Variants in TMEM63C observed in about 807,000 individuals in gnomAD.
TMEM63C encodes the protein transmembrane protein 63C.
In TMEM63C, 32 loss-of-function variants were observed where a neutral mutation model predicts 99.2. The ratio of observed to expected loss-of-function variants is 0.32; its 90% CI spans 0.24 to 0.43. The LOEUF is 0.43. Ranked by LOEUF, TMEM63C falls within the 20% of genes least tolerant of loss-of-function variation. TMEM63C has a pLI of 1.00. For synonymous variants in TMEM63C, 376 were observed against 397.9 expected, an observed-to-expected ratio of 0.94 and a Z score of 0.66; for missense variants, 826 against 1,053.0, an observed-to-expected ratio of 0.78 and a Z score of 2.98.
chr14:77,183,720 C>T (rs1335840926), intron 1 of TMEM63C, among the ~76,000 whole-genome samples: 1 of 152,196 alleles, frequency 6.6e-6, no homozygotes, highest in Non-Finnish European at 1.5e-5. Context: ...GAACCCCTGA[C>T]GCTGGCCCCT....
intron 15 of TMEM63C, among the ~76,000 whole-genome samples, chr14:77,243,983 G>T (rs1889226516): frequency 6.6e-6 from 1 of 152,158 alleles, no homozygotes; most frequent in African/African-American, 2.4e-5. Context: ...CGCATCCTGG[G>T]AGGGCCACAG....
intron 15 of TMEM63C, among the ~76,000 whole-genome samples, chr14:77,244,030 C>G (rs1889227447): frequency 6.6e-6 from 1 of 152,168 alleles, no homozygotes; most frequent in East Asian, 1.9e-4. Flanking sequence ...CCCTCCTCCC[C>G]CGCTCACATG....
intron 1 of TMEM63C, among the ~76,000 whole-genome samples, chr14:77,205,662 C>G (rs538931830): frequency 6.6e-6 from 1 of 152,278 alleles, no homozygotes; most frequent in African/African-American, 2.4e-5. Flanking sequence ...ACAACCAAGG[C>G]CTTTGATGGG....
At chr14:77,231,780 G>A (rs1206594729) in intron 7 of TMEM63C, 50 bp downstream of exon 7, 3 of 1,545,288 alleles carry the variant, frequency 1.9e-6, no homozygotes, top group Admixed American at 3.9e-5. Flanking sequence ...CTGAGAGGCA[G>A]CCAGGCAAGC....
In TMEM63C at chr14:77,225,401, C is replaced by G. The variant is rs765789939; in HGVS notation, c.313-23C>G. The stretch of plus-strand genomic sequence containing the variant: ...GCAGGCCAGGACCTGGGTTTTCTCA[C>G]AGTTTCTCTCCTTTCCCCGCAGGGA... On this transcript the variant is annotated intron_variant, in intron 5 of 23. Transcript: ENST00000298351. The G allele has an allele frequency of 8.7e-6, 14 of 1,611,904 alleles. No homozygotes were observed. In the South Asian group the frequency reaches 1.5e-4, roughly 18 times the overall value.
intron 6 of TMEM63C, among the ~76,000 whole-genome samples, chr14:77,226,378 C>T (rs1397460168): frequency 1.3e-5 from 2 of 152,212 alleles, no homozygotes; most frequent in African/African-American, 4.8e-5. Context: ...CAGCTTAATG[C>T]GTTTACTGAG....
rs1366242548 is a variant in TMEM63C, at chr14:77,186,799, GTC to G, written c.-77+4907_-77+4908del. 5.8e-4 allele frequency among the ~76,000 whole-genome samples: 61 copies of G among 105,422 alleles called. 1 individual carries two copies. The highest frequency in any genetic ancestry group is 1.2e-3 in the East Asian group (5 of 4,256). The allele number at this position is 105,422 out of a possible 152,430, so 69.2% of individuals were successfully genotyped here. A position where few individuals can be genotyped will look rare whatever the true frequency, so the allele number is the denominator to read the frequency against. On this transcript the variant is annotated intron_variant, in intron 1 of 23. Transcript: ENST00000298351. Reference sequence around the variant, plus strand: ...GGGGTGTGTGTGTGTGTGTGTGTGTGTCTGTGTGTGTGTGTGTGTGTCTGTGT... The same window carrying G: ...GGGGTGTGTGTGTGTGTGTGTGTGTGTGTGTGTGTGTGTGTGTGTCTGTGT...
chr14:77,243,831 A>G (rs1241735828), intron 15 of TMEM63C, among the ~76,000 whole-genome samples: 1 of 152,066 alleles, frequency 6.6e-6, no homozygotes, highest in Non-Finnish European at 1.5e-5. Context: ...TGCACAGTCA[A>G]CAGACGTGTG....
intron 6 of TMEM63C, among the ~76,000 whole-genome samples, chr14:77,226,489 GT>G (rs1241581093): frequency 2.6e-5 from 4 of 152,226 alleles, no homozygotes; most frequent in Admixed American, 2.6e-4. Flanking sequence ...GAATGGGAGG[GT>G]TATAATTGCT....
chr14:77,238,073 A>C (rs1392474865), intron 9 of TMEM63C, among the ~76,000 whole-genome samples: 1 of 152,182 alleles, frequency 6.6e-6, no homozygotes, highest in African/African-American at 2.4e-5. Context: ...AGCCTCTTTC[A>C]AGACCCCTGA....
chr14:77,190,252 AC>A (rs1331991129), intron 1 of TMEM63C, among the ~76,000 whole-genome samples: 1 of 152,126 alleles, frequency 6.6e-6, no homozygotes, highest in Non-Finnish European at 1.5e-5. Context: ...GTCCCAACAG[AC>A]CAATAATCAC....
intron 1 of TMEM63C, among the ~76,000 whole-genome samples, chr14:77,198,728 A>G (rs552423955): frequency 2.0e-5 from 3 of 152,278 alleles, no homozygotes; most frequent in African/African-American, 7.2e-5. Flanking sequence ...AAACAGTTCA[A>G]ATGTTTCCTG....
intron 9 of TMEM63C, among the ~76,000 whole-genome samples, chr14:77,237,029 CCACCCTCT>C (rs1199759347): frequency 4.6e-5 from 7 of 150,828 alleles, no homozygotes; most frequent in South Asian, 2.1e-4. Context: ...TCACGCTCCT[CCACCCTCT>C]CACCCTCTCA....
chr14:77,246,936 G>A (rs8006117), intron 18 of TMEM63C, among the ~76,000 whole-genome samples: 25,692 of 152,088 alleles, frequency 0.17, 2,599 homozygotes, highest in African/African-American at 0.28. Context: ...TGTATGCAGG[G>A]TGGGTGTTCC....
chr14:77,229,101 A>G (rs393129), intron 6 of TMEM63C, among the ~76,000 whole-genome samples: 79,933 of 151,988 alleles, frequency 0.53, 22,488 homozygotes, highest in East Asian at 0.76. Flanking sequence ...AGTAAAATGA[A>G]CACAACAAGA....
chr14:77,242,984 T>G lies in TMEM63C; in HGVS notation c.1269T>G (p.Phe423Leu), dbSNP rs571421928. The G allele has an allele frequency of 6.2e-7, 1 of 1,613,984 alleles. No homozygotes were observed. Among genetic ancestry groups the G allele is most frequent in the East Asian group, 2.2e-5 (1 of 44,870 alleles). ...INTFLFFLFF[F>L]LTTPAIIMNT... ...CCTTCCTCTTCTTCCTCTTCTTCTTTCTCACCACGCCTGCCATCATCATGA... is the reference window on the plus strand; with the variant it reads ...CCTTCCTCTTCTTCCTCTTCTTCTTGCTCACCACGCCTGCCATCATCATGA... Residue 423 changes from phenylalanine (F) to leucine (L), a missense_variant, in exon 15 of 24, where the codon TTT becomes TTG. By Grantham distance (22) the Phe-to-Leu change is conservative. Transcript: ENST00000298351.
chr14:77,215,614 A>AAAAAGAAAAGAAAAGAAAAGAAAAG lies in TMEM63C; in HGVS notation c.-14+2125_-14+2126insGAAAAGAAAAGAAAAGAAAAGAAAA, dbSNP rs59134916. Among the ~76,000 whole-genome samples the AAAAAGAAAAGAAAAGAAAAGAAAAG allele has an allele frequency of 3.9e-3, 301 of 76,508 alleles. 11 individuals carry two copies. In the East Asian group the frequency reaches 0.041, roughly 11 times the overall value. The allele number at this position is 76,508 out of a possible 152,430, so 50.2% of individuals were successfully genotyped here. The stretch of plus-strand genomic sequence containing the variant: ...AGACTCTGTCTCAAAAAAAAAAAAA[A>AAAAAGAAAAGAAAAGAAAAGAAAAG]AAAAGAAAAGAAAAGAAAAAGAAAC... On this transcript the variant is annotated intron_variant, in intron 2 of 23. Transcript: ENST00000298351.
At chr14:77,205,339 G>A (rs779318619) in intron 1 of TMEM63C, among the ~76,000 whole-genome samples, 1 of 152,168 alleles carries the variant, frequency 6.6e-6, no homozygotes, top group African/African-American at 2.4e-5. Context: ...GATTGGGTTC[G>A]GTTCATCTGT....
At chr14:77,188,056 C>T (rs760522128) in intron 1 of TMEM63C, among the ~76,000 whole-genome samples, 5 of 152,206 alleles carry the variant, frequency 3.3e-5, no homozygotes, top group South Asian at 2.1e-4. Flanking sequence ...GCAAATCAAA[C>T]GTGCCCTGGA....
Sources: gnomAD v4.1 joint callset for allele counts (sites outside exome capture counted in the v4.1 genomes callset) on GRCh38, gnomAD v4.1.1 for gene constraint, MANE v1.5 for transcripts, NCBI Gene and HGNC (gene_info 2026-07-23, HGNC 2026-07-21) for gene names.